Variants in EYA2 observed in about 807,000 individuals in gnomAD.
EYA2 encodes EYA transcriptional coactivator and phosphatase 2.
Under a neutral mutation model 69.2 loss-of-function variants are expected in EYA2, and 31 were observed. The observed-to-expected ratio is 0.45, with a 90% CI of 0.34 to 0.60. The LOEUF (loss-of-function observed/expected upper bound fraction) is 0.60. Among genes scored for constraint, EYA2 ranks in the 20% least tolerant of loss-of-function variants. The probability of loss-of-function intolerance (pLI) is 0.02; values close to 1 mark genes in which losing one functional copy is unlikely to be tolerated. For synonymous variants in EYA2, 257 were observed against 279.4 expected, an observed-to-expected ratio of 0.92 and a Z score of 0.80; for missense variants, 622 against 701.2, an observed-to-expected ratio of 0.89 and a Z score of 1.28.
intron 1 of EYA2, among the ~76,000 whole-genome samples, chr20:46,912,755 C>T (rs2146225813): frequency 6.7e-6 from 1 of 149,598 alleles, no homozygotes; most frequent in Middle Eastern, 3.5e-3. Flanking sequence ...CTGCGGACTG[C>T]AGTGGCGCAA....
chr20:46,945,772 AC>A (rs1978418706), intron 1 of EYA2, among the ~76,000 whole-genome samples: 1 of 152,330 alleles, frequency 6.6e-6, no homozygotes, highest in South Asian at 2.1e-4. Flanking sequence ...AGCTTTTGTA[AC>A]AAGCTCTTGA....
intron 1 of EYA2, among the ~76,000 whole-genome samples, chr20:46,930,600 A>G (rs1213744511): frequency 6.6e-6 from 1 of 152,182 alleles, no homozygotes; most frequent in African/African-American, 2.4e-5. Context: ...AGAGATGATG[A>G]CAAAAAAGGG....
At chr20:47,146,418 G>A (rs80198114) in intron 10 of EYA2, among the ~76,000 whole-genome samples, 1 of 152,092 alleles carries the variant, frequency 6.6e-6, no homozygotes, top group African/African-American at 2.4e-5. Flanking sequence ...TGCTGTTTCT[G>A]TCTGGCCCCT....
chr20:47,178,559 G>A (rs1392270802), intron 12 of EYA2, among the ~76,000 whole-genome samples: 1 of 151,182 alleles, frequency 6.6e-6, no homozygotes. Flanking sequence ...TCATGCTGCT[G>A]GGGGTTTTGA....
At chr20:47,183,480 T>G (rs1272969816) in intron 15 of EYA2, 89 bp downstream of exon 15, 1 of 1,184,058 alleles carries the variant, frequency 8.4e-7, no homozygotes, top group Non-Finnish European at 1.2e-6. Flanking sequence ...TTTCCTCCAC[T>G]CCCCGTGGCT....
chr20:47,083,770 AAAAAG>A (rs2031803380), intron 7 of EYA2, among the ~76,000 whole-genome samples: 1 of 152,240 alleles, frequency 6.6e-6, no homozygotes, highest in South Asian at 2.1e-4. Flanking sequence ...AATATGATCC[AAAAAG>A]AAAAAAAGAA....
chr20:46,974,846 T>C (rs563692698), intron 1 of EYA2, among the ~76,000 whole-genome samples: 42 of 151,972 alleles, frequency 2.8e-4, no homozygotes, highest in Middle Eastern at 3.4e-3. Flanking sequence ...AAGCAGAACA[T>C]GTGTGGTCCT....
intron 9 of EYA2, among the ~76,000 whole-genome samples, chr20:47,119,793 G>T (rs1363023900): frequency 6.6e-6 from 1 of 152,186 alleles, no homozygotes; most frequent in Admixed American, 6.5e-5. Flanking sequence ...CTTTAAAGTG[G>T]TTCATTTTCA....
chr20:47,096,615 G>T (rs1264633812), intron 8 of EYA2, among the ~76,000 whole-genome samples: 4 of 152,174 alleles, frequency 2.6e-5, no homozygotes, highest in African/African-American at 9.6e-5. Context: ...TTTTAAGACT[G>T]CCCAGTCAAA....
chr20:47,113,867 T>G (rs562703152), intron 9 of EYA2, among the ~76,000 whole-genome samples: 65 of 151,840 alleles, frequency 4.3e-4, no homozygotes, highest in African/African-American at 1.3e-3. Context: ...TTTTTTTTTT[T>G]TGTGGATATG....
At chr20:47,184,570 C>A (rs1003783770) in intron 15 of EYA2, among the ~76,000 whole-genome samples, 2 of 149,860 alleles carry the variant, frequency 1.3e-5, no homozygotes, top group African/African-American at 5.0e-5. Context: ...ACAGGCACCA[C>A]CATACCTGGT....
intron 10 of EYA2, among the ~76,000 whole-genome samples, chr20:47,153,247 C>T (rs1390957097): frequency 1.3e-5 from 2 of 151,944 alleles, no homozygotes; most frequent in Non-Finnish European, 1.5e-5. Flanking sequence ...TTTTCTTACT[C>T]GTGTTTTAGG....
chr20:47,021,833 TCGAGACCTC>T (rs1400725897), intron 5 of EYA2, among the ~76,000 whole-genome samples: 1 of 151,960 alleles, frequency 6.6e-6, no homozygotes, highest in Non-Finnish European at 1.5e-5. Context: ...TGATCTCAGC[TCGAGACCTC>T]CGAGACTGGA....
chr20:46,902,803 A>G (rs552244000), intron 1 of EYA2, among the ~76,000 whole-genome samples: 39 of 152,324 alleles, frequency 2.6e-4, no homozygotes, highest in African/African-American at 8.9e-4. Context: ...TTAGTGGCCT[A>G]AGTCATTGCT....
At chr20:47,096,911 G>A (rs1002814099) in intron 8 of EYA2, among the ~76,000 whole-genome samples, 174 bp from the exon 9 acceptor site, 5 of 152,324 alleles carry the variant, frequency 3.3e-5, no homozygotes, top group East Asian at 3.9e-4. Flanking sequence ...GAATACACAT[G>A]ACACAGATAA....
At chr20:46,935,674 C>T (rs1302413932) in intron 1 of EYA2, among the ~76,000 whole-genome samples, 3 of 152,104 alleles carry the variant, frequency 2.0e-5, no homozygotes, top group East Asian at 3.9e-4. Flanking sequence ...TACCTGCTTA[C>T]AGGGCTGTTA....
intron 5 of EYA2, 42 bp from the exon 6 acceptor site, chr20:47,072,143 G>A: frequency 6.3e-7 from 1 of 1,578,788 alleles, no homozygotes; most frequent in East Asian, 2.2e-5. Flanking sequence ...GAGAAAAAAA[G>A]ACAAGAACCC....
At chr20:47,074,028 A>G (rs1051904013) in intron 6 of EYA2, 130 bp from the exon 7 acceptor site, 12 of 928,666 alleles carry the variant, frequency 1.3e-5, no homozygotes, top group Non-Finnish European at 1.8e-5. Flanking sequence ...CTGGGAAACC[A>G]AAATGAAGAC....
At chr20:46,981,733 T>C (rs1364180041) in intron 1 of EYA2, among the ~76,000 whole-genome samples, 1 of 152,192 alleles carries the variant, frequency 6.6e-6, no homozygotes, top group African/African-American at 2.4e-5. Context: ...TATTTTAAAA[T>C]CTATTTGGGG....
Sources: allele counts gnomAD v4.1 joint callset (sites outside exome capture counted in the v4.1 genomes callset), GRCh38; gene constraint gnomAD v4.1.1; transcripts MANE v1.5; gene names NCBI Gene and HGNC (gene_info 2026-07-23, HGNC 2026-07-21).